The following PPP2R5C variants were observed in gnomAD, a reference collection of about 807,000 sequenced individuals.
PPP2R5C encodes protein phosphatase 2 regulatory subunit B'gamma.
Under a neutral mutation model 68.9 loss-of-function variants are expected in PPP2R5C, and 7 were observed. The ratio of observed to expected loss-of-function variants is 0.10; its 90% CI spans 0.06 to 0.19. The LOEUF is 0.19. Ranked by LOEUF, PPP2R5C falls within the 10% of genes least tolerant of loss-of-function variation. PPP2R5C has a pLI of 1.00. For missense variants in PPP2R5C, 348 were observed against 641.3 expected (o/e 0.54, Z 4.94); for synonymous variants, 210 against 222.2 (o/e 0.95, Z 0.49).
chr14:101,820,752 A>T (rs966627901), intron 1 of PPP2R5C: 2 of 152,250 alleles, frequency 1.3e-5, no homozygotes, highest in Non-Finnish European at 2.9e-5. Flanking sequence ...TTGAAGATAC[A>T]TGCAAAAATG....
intron 2 of PPP2R5C, among the ~76,000 whole-genome samples, chr14:101,859,517 T>G (rs1177962122): frequency 6.6e-6 from 1 of 152,250 alleles, no homozygotes; most frequent in African/African-American, 2.4e-5. Context: ...CCCTTGTTTG[T>G]CTGGATCTGG....
At chr14:101,880,008 G>T (rs531710397) in intron 2 of PPP2R5C, among the ~76,000 whole-genome samples, 15 of 152,314 alleles carry the variant, frequency 9.8e-5, no homozygotes, top group African/African-American at 3.4e-4. Flanking sequence ...AGGAGGGGCA[G>T]ACTAGACCCC....
chr14:101,820,154 G>A (rs2039964296), intron 1 of PPP2R5C: 1 of 152,182 alleles, frequency 6.6e-6, no homozygotes, highest in Non-Finnish European at 1.5e-5. Flanking sequence ...ATATTTGGCT[G>A]ATATTTTCTA....
chr14:101,842,663 TGA>T (rs1335416017), intron 1 of PPP2R5C, among the ~76,000 whole-genome samples: 1 of 151,992 alleles, frequency 6.6e-6, no homozygotes, highest in South Asian at 2.1e-4. Context: ...GTCAGTCCCC[TGA>T]GAGCAGCGTG....
chr14:101,795,064 C>T (rs760359957), intron 3 of PPP2R5C, among the ~76,000 whole-genome samples: 3 of 152,158 alleles, frequency 2.0e-5, no homozygotes, highest in Non-Finnish European at 4.4e-5. Flanking sequence ...TTAGTGGGAA[C>T]GAGAGGCATG....
chr14:101,764,030 G>GTGTGTGTGTGCGC lies in PPP2R5C; in HGVS notation c.93+1060_93+1061insTGTGTGTGTGCGC. Among the ~76,000 whole-genome samples, 2 of 146,254 alleles carry GTGTGTGTGTGCGC rather than the reference G, an allele frequency of 1.4e-5. 1 individual carries two copies. The highest frequency in any genetic ancestry group is 3.9e-4 in the East Asian group (2 of 5,078). ...GTGTGTGTGTGTGTGTGTGTGTGTG[G>GTGTGTGTGTGCGC]GCGCGCGCACTTGCGCGTCGGCCAC... On this transcript the variant is annotated intron_variant, in intron 2 of 14. Transcript: ENST00000328724.
At chr14:101,783,566 G>C in intron 2 of PPP2R5C, among the ~76,000 whole-genome samples, 1 of 151,918 alleles carries the variant, frequency 6.6e-6, no homozygotes, top group Non-Finnish European at 1.5e-5. Flanking sequence ...AAAGGCCAAG[G>C]GCCCCTTTGG....
intron 1 of PPP2R5C, among the ~76,000 whole-genome samples, chr14:101,826,991 T>C (rs2040439721): frequency 6.7e-6 from 1 of 148,304 alleles, no homozygotes; most frequent in Admixed American, 6.7e-5. Context: ...TTTTTTTTTT[T>C]TTGAGACGGA....
chr14:101,871,674 C>A (rs2043425095), intron 2 of PPP2R5C, among the ~76,000 whole-genome samples: 2 of 144,782 alleles, frequency 1.4e-5, no homozygotes, highest in Admixed American at 6.7e-5. Context: ...TTTGTCCCAC[C>A]TGTTTATCGT....
rs369970728 is a variant in PPP2R5C, at chr14:101,882,751, G to A, written c.405+480G>A. On this transcript the variant is annotated intron_variant, in intron 3 of 13. Coordinates refer to ENST00000334743, the Ensembl canonical transcript of PPP2R5C. This position sits in a 1 kb window ranked among gnomAD's most constrained non-coding sequence, Gnocchi z 4.9. ...GGAGGGCCATCCATCCGTGACAGGCGGCCCACGCTGTCCCACCCAGCATGT... is the reference window on the plus strand; with the variant it reads ...GGAGGGCCATCCATCCGTGACAGGCAGCCCACGCTGTCCCACCCAGCATGT... 7.6e-4 allele frequency: 122 copies of A among 161,192 alleles called. No individual in the cohort carries two copies. Among genetic ancestry groups the A allele is most frequent in the Admixed American group, 1.2e-3 (19 of 16,086 alleles). 10.0% of individuals were successfully genotyped at this position (161,192 alleles called of 1,614,324 possible).
chr14:101,917,746 G>T lies in PPP2R5C; in HGVS notation c.1327-85G>T. 6.3e-7 allele frequency: 1 copy of T among 1,581,188 alleles called. No individual in the cohort carries two copies. The highest frequency in any genetic ancestry group is 1.1e-5 in the South Asian group (1 of 88,152). On this transcript the variant is annotated intron_variant, in intron 12 of 13. Coordinates refer to ENST00000334743, the Ensembl canonical transcript of PPP2R5C. The surrounding 1 kb of genome is among the most constrained non-coding windows in gnomAD (Gnocchi z 4.4). The stretch of plus-strand genomic sequence containing the variant: ...GGGAGAGGGCCCTGGGGGGCGGCAG[G>T]GGAGATGAGTCCCTAGCCAGGATGA...
intron 13 of PPP2R5C, among the ~76,000 whole-genome samples, chr14:101,924,794 T>C (rs989878760): frequency 1.3e-5 from 2 of 152,110 alleles, no homozygotes; most frequent in African/African-American, 4.8e-5. Context: ...ATGAAATGGC[T>C]TTAATGACAT....
intron 1 of PPP2R5C, chr14:101,819,211 A>G: frequency 1.3e-6 from 1 of 787,098 alleles, no homozygotes; most frequent in East Asian, 2.7e-5. Flanking sequence ...CAGACTTCTC[A>G]AAGGGGGGTA....
chr14:101,778,107 G>A (rs1262739350), intron 2 of PPP2R5C, among the ~76,000 whole-genome samples: 1 of 152,204 alleles, frequency 6.6e-6, no homozygotes, highest in Non-Finnish European at 1.5e-5. Context: ...AAAAGAATAG[G>A]TATCCCAGCA....
chr14:101,798,240 CT>C (rs1299123779), intron 3 of PPP2R5C, among the ~76,000 whole-genome samples: 1 of 151,880 alleles, frequency 6.6e-6, no homozygotes. Flanking sequence ...CACCAGCCTT[CT>C]GTTAATTACA....
intron 1 of PPP2R5C, among the ~76,000 whole-genome samples, chr14:101,847,878 G>A (rs910340872): frequency 2.6e-5 from 4 of 152,030 alleles, no homozygotes; most frequent in Admixed American, 2.6e-4. Flanking sequence ...GGCCAGGATG[G>A]TCTCAATCTC....
At chr14:101,817,513 G>A (rs1310039037) in intron 1 of PPP2R5C, among the ~76,000 whole-genome samples, 1 of 152,144 alleles carries the variant, frequency 6.6e-6, no homozygotes, top group Non-Finnish European at 1.5e-5. Flanking sequence ...CGTTTTTGGG[G>A]TGCATAACCG....
At chr14:101,785,897 TC>T in intron 2 of PPP2R5C, 120 bp from the exon 3 acceptor site, 1 of 894,732 alleles carries the variant, frequency 1.1e-6, no homozygotes. Flanking sequence ...AATGATGTCT[TC>T]CATGGAGTGA....
intron 2 of PPP2R5C, among the ~76,000 whole-genome samples, chr14:101,776,075 G>A (rs542126865): frequency 7.3e-6 from 1 of 137,510 alleles, no homozygotes; most frequent in Non-Finnish European, 1.5e-5. Context: ...GCTGGTGCTC[G>A]TGTGCAGCCA....
Sources: allele counts gnomAD v4.1 joint callset (sites outside exome capture counted in the v4.1 genomes callset), GRCh38; gene constraint gnomAD v4.1.1; non-coding constraint Gnocchi (gnomAD v3.1); transcripts MANE v1.5; gene names NCBI Gene and HGNC (gene_info 2026-07-23, HGNC 2026-07-21).